The following NUP214 variants were observed in gnomAD, a reference collection of about 807,000 sequenced individuals.
The protein encoded by NUP214 is nucleoporin 214.
Under a neutral mutation model 196.2 loss-of-function variants are expected in NUP214, and 79 were observed. That is an observed-to-expected ratio of 0.40 (90% CI 0.34 to 0.49). NUP214 has a LOEUF of 0.49. Among genes scored for constraint, NUP214 ranks in the 20% least tolerant of loss-of-function variants. The pLI is 0.58. For missense variants in NUP214, 2,468 were observed against 2,539.0 expected, an observed-to-expected ratio of 0.97 and a Z score of 0.60; for synonymous variants, 1,020 against 990.5, an observed-to-expected ratio of 1.03 and a Z score of -0.56.
At chr9:131,163,270 CTG>C (rs1452552859) in intron 19 of NUP214, 97 bp downstream of exon 19, 9 of 1,201,830 alleles carry the variant, frequency 7.5e-6, no homozygotes, top group Non-Finnish European at 1.0e-5. Context: ...GCAAGTGACT[CTG>C]TGTCTCTCAC....
At chr9:131,141,842 T>G (rs1343948290) in intron 11 of NUP214, 1 of 152,216 alleles carries the variant, frequency 6.6e-6, no homozygotes, top group Non-Finnish European at 1.5e-5. Flanking sequence ...AATATTTCTC[T>G]TTTTGAATTC....
intron 10 of NUP214, among the ~76,000 whole-genome samples, chr9:131,140,205 T>C (rs1244406088): frequency 6.6e-6 from 1 of 152,224 alleles, no homozygotes; most frequent in Non-Finnish European, 1.5e-5. Flanking sequence ...TTAGATATTC[T>C]TCTCTTGGTC....
intron 21 of NUP214, among the ~76,000 whole-genome samples, chr9:131,170,584 A>AT (rs1030639956): frequency 3.2e-4 from 48 of 151,830 alleles, no homozygotes; most frequent in Admixed American, 2.7e-3. Context: ...ATAATGGTAG[A>AT]TTTTTTTTCC....
chr9:131,125,689 C>T lies in NUP214; in HGVS notation c.-16C>T. ...GGAGGCAGCGTTGGCTGCTTCGACACACTGAGGGCGGCGCGATGGGAGACG... is the reference window on the plus strand; with the variant it reads ...GGAGGCAGCGTTGGCTGCTTCGACATACTGAGGGCGGCGCGATGGGAGACG... On this transcript the variant is annotated 5_prime_UTR_variant, in exon 1 of 36. Coordinates refer to ENST00000359428, the MANE Select transcript of NUP214 (RefSeq NM_005085.4). This position sits in a 1 kb window ranked among gnomAD's most constrained non-coding sequence, Gnocchi z 4.1. 1 of 1,550,366 alleles carries T rather than the reference C, an allele frequency of 6.5e-7. No homozygotes were observed. The highest frequency in any genetic ancestry group is 8.7e-7 in the Non-Finnish European group (1 of 1,146,538).
intron 31 of NUP214, among the ~76,000 whole-genome samples, chr9:131,221,928 GTCTGTTTA>G (rs1327064940): frequency 6.6e-6 from 1 of 151,114 alleles, no homozygotes; most frequent in Non-Finnish European, 1.5e-5. Context: ...TGTGGACTTT[GTCTGTTTA>G]TCTATTATTA....
intron 28 of NUP214, among the ~76,000 whole-genome samples, chr9:131,196,779 CTT>C (rs1352174264): frequency 6.6e-6 from 1 of 152,098 alleles, no homozygotes; most frequent in Non-Finnish European, 1.5e-5. Context: ...TGGACTGACA[CTT>C]TATTTGCTCA....
At chr9:131,168,308 T>C (rs532642070) in intron 21 of NUP214, among the ~76,000 whole-genome samples, 1 of 152,388 alleles carries the variant, frequency 6.6e-6, no homozygotes, top group South Asian at 2.1e-4. Flanking sequence ...AAAGTAGGTA[T>C]GCACCTTTAT....
intron 30 of NUP214, among the ~76,000 whole-genome samples, chr9:131,203,255 C>T (rs1833989259): frequency 6.6e-6 from 1 of 152,110 alleles, no homozygotes; most frequent in Non-Finnish European, 1.5e-5. Flanking sequence ...AATTTTAAGT[C>T]TTTTATACAA....
intron 32 of NUP214, among the ~76,000 whole-genome samples, chr9:131,226,647 A>G (rs1295638358): frequency 6.6e-6 from 1 of 150,962 alleles, no homozygotes; most frequent in Non-Finnish European, 1.5e-5. Flanking sequence ...AGTCTGTTAT[A>G]TTTATAACCC....
intron 31 of NUP214, among the ~76,000 whole-genome samples, chr9:131,221,854 CA>C (rs3840730): frequency 1.8e-4 from 28 of 152,028 alleles, no homozygotes; most frequent in Admixed American, 5.9e-4. Context: ...CCACCCCCCC[CA>C]AAAAAAGTTT....
chr9:131,169,397 G>A (rs1424179421), intron 21 of NUP214, among the ~76,000 whole-genome samples: 2 of 152,128 alleles, frequency 1.3e-5, no homozygotes, highest in Admixed American at 6.5e-5. Flanking sequence ...AATCCCAGCT[G>A]TTTTGAGGAG....
In NUP214 at chr9:131,133,204, C is replaced by T. The variant is rs746350734; in HGVS notation, c.826C>T (p.Leu276=). 1.9e-6 allele frequency: 3 copies of T among 1,554,248 alleles called. No individual in the cohort carries two copies. Among genetic ancestry groups the T allele is most frequent in the Non-Finnish European group, 2.6e-6 (3 of 1,153,304 alleles). ...ETSPDVVMAL[L]PKKEEKHPEI... Reference sequence around the variant, plus strand: ...GTCTCCAGATGTGGTGATGGCTCTACTACCGGTATGCCTGTGGAAGAAATT... The same window carrying T: ...GTCTCCAGATGTGGTGATGGCTCTATTACCGGTATGCCTGTGGAAGAAATT... The change falls in exon 7 of 36, where the codon CTA becomes TTA. Residue 276 remains leucine, a synonymous_variant. Coordinates refer to ENST00000359428, the MANE Select transcript of NUP214 (RefSeq NM_005085.4).
chr9:131,218,290 C>T (rs1834459300), intron 31 of NUP214, among the ~76,000 whole-genome samples: 1 of 152,162 alleles, frequency 6.6e-6, no homozygotes, highest in Non-Finnish European at 1.5e-5. Context: ...ATTGTTTTAA[C>T]TCTGAGGGCC....
chr9:131,133,070 A>G (rs778336586), intron 6 of NUP214, 36 bp from the exon 7 acceptor site: 15 of 1,502,700 alleles, frequency 1.0e-5, no homozygotes, highest in Non-Finnish European at 1.4e-5. Flanking sequence ...GGTTGCTGTC[A>G]TTTTTATGAG....
chr9:131,134,302 G>A (rs1343136952), intron 7 of NUP214, among the ~76,000 whole-genome samples: 1 of 152,182 alleles, frequency 6.6e-6, no homozygotes, highest in Non-Finnish European at 1.5e-5. Context: ...ACTGATAAGA[G>A]TGATGGAGAA....
chr9:131,205,900 C>G (rs1834063943), intron 30 of NUP214, among the ~76,000 whole-genome samples: 1 of 152,104 alleles, frequency 6.6e-6, no homozygotes, highest in Non-Finnish European at 1.5e-5. Context: ...CCAGGCTGGC[C>G]TTGAACTCCT....
chr9:131,230,590 A>C, intron 33 of NUP214, 40 bp from the exon 34 acceptor site: 1 of 1,610,960 alleles, frequency 6.2e-7, no homozygotes, highest in Non-Finnish European at 8.5e-7. Context: ...AAGTGGTGAG[A>C]GGCCCCACTG....
rs768277631 is a variant in NUP214, at chr9:131,198,070, C to G, written c.4576C>G (p.Leu1526Val). The stretch of plus-strand genomic sequence containing the variant: ...TCTAGAGGAGCAACAGTCAGCCCAG[C>G]TTCCCCAGGCTCCTCCGCAAACTTC... ...SLLEEQQSAQ[L>V]PQAPPQTSDS... Residue 1526 changes from leucine (L) to valine (V), a missense_variant, in exon 29 of 36, where the codon CTT becomes GTT. Leu to Val is a conservative substitution (Grantham distance 32, BLOSUM62 1). Around this residue, in one of 5 missense-constraint regions of NUP214, gnomAD observed 1,801 missense variants for 1,779.4 expected, o/e 1.01. Transcript: ENST00000359428. 2.2e-5 allele frequency: 35 copies of G among 1,614,108 alleles called. No homozygotes were observed. Among genetic ancestry groups the G allele is most frequent in the Middle Eastern group, 3.3e-4 (2 of 6,082 alleles).
At chr9:131,192,169 CTTTTTTTTTTTTT>C (rs66652901) in intron 26 of NUP214, 26 bp from the exon 27 acceptor site, 13 of 447,484 alleles carry the variant, frequency 2.9e-5, no homozygotes, top group Middle Eastern at 1.2e-3. Context: ...TTGTAATATT[CTTTTTTTTTTTTT>C]TTTTTTTTTT....
Sources: gnomAD v4.1 joint callset for allele counts (sites outside exome capture counted in the v4.1 genomes callset) on GRCh38, gnomAD v4.1.1 for gene constraint, gnomAD v4.1.1 regional missense constraint, Gnocchi (gnomAD v3.1) non-coding constraint, MANE v1.5 for transcripts, NCBI Gene and HGNC (gene_info 2026-07-23, HGNC 2026-07-21) for gene names.